Variants in DMD observed in about 807,000 individuals in gnomAD.
DMD encodes the protein dystrophin, also known as mutant dystrophin.
DMD carries 63 observed loss-of-function variants against 330.1 expected under a neutral mutation model. That is an observed-to-expected ratio of 0.19 (90% CI 0.16 to 0.24). DMD has a LOEUF of 0.24. DMD is among the 10% of genes least tolerant of loss of function. DMD has a pLI of 1.00. For synonymous variants in DMD, 1,223 were observed against 959.8 expected (o/e 1.27, Z -5.07); for missense variants, 3,344 against 2,684.1 (o/e 1.25, Z -5.43).
At chrX:32,968,983 G>A (rs12856895) in intron 2 of DMD, among the ~76,000 whole-genome samples, 5,907 of 85,697 alleles carry the variant, frequency 0.069, 291 homozygotes, top group East Asian at 0.23. Flanking sequence ...AGCCAAGATC[G>A]TGCCACTGCC....
intron 48 of DMD, among the ~76,000 whole-genome samples, chrX:31,850,766 TTA>T (rs2093510052): frequency 8.9e-6 from 1 of 112,701 alleles, no homozygotes; most frequent in Admixed American, 9.4e-5. Flanking sequence ...ATGTTTGTTG[TTA>T]TATGTCACTG....
At chrX:32,250,364 A>G (rs184986274) in intron 43 of DMD, among the ~76,000 whole-genome samples, 472 of 111,634 alleles carry the variant, frequency 4.2e-3, no homozygotes, top group Non-Finnish European at 6.9e-3. Context: ...GTAAATGTGG[A>G]TTTTCCTCAC....
chrX:32,531,932 C>A (rs2047519210), intron 17 of DMD, among the ~76,000 whole-genome samples: 2 of 111,060 alleles, frequency 1.8e-5, no homozygotes, highest in Non-Finnish European at 3.8e-5. Context: ...TAGTTGTATA[C>A]TTTGTACCCT....
chrX:32,373,224 T>G lies in DMD; in HGVS notation c.4845+7286A>C, dbSNP rs72626038. ...TTTAATTCTGAGCAGGAAGAAAACT[T>G]AGATGAATCATTCTATTTAGGAAAG... On this transcript the variant is annotated intron_variant, in intron 34 of 78. Transcript: ENST00000357033. 4.8e-3 allele frequency among the ~76,000 whole-genome samples: 525 copies of G among 109,927 alleles called. 31 individuals carry two copies. In the East Asian group the frequency reaches 0.14, roughly 29 times the overall value.
At chrX:32,323,509 T>C (rs562469884) in intron 41 of DMD, among the ~76,000 whole-genome samples, 80 of 107,546 alleles carry the variant, frequency 7.4e-4, no homozygotes, top group African/African-American at 2.6e-3. Context: ...AGCCAGGAAA[T>C]AAAATTATAA....
intron 51 of DMD, among the ~76,000 whole-genome samples, chrX:31,734,491 C>T (rs747002021): frequency 1.1e-4 from 12 of 111,258 alleles, no homozygotes; most frequent in African/African-American, 3.9e-4. Flanking sequence ...TTTTAGTTGT[C>T]GTATCTCCTT....
intron 2 of DMD, among the ~76,000 whole-genome samples, chrX:32,851,600 G>A (rs1006593934): frequency 8.9e-6 from 1 of 112,393 alleles, no homozygotes; most frequent in South Asian, 3.7e-4. Flanking sequence ...AAAATCAAGT[G>A]AGCAATCACA....
At chrX:31,394,485 T>C (rs754661952) in intron 60 of DMD, among the ~76,000 whole-genome samples, 23 of 112,612 alleles carry the variant, frequency 2.0e-4, no homozygotes, top group African/African-American at 7.4e-4. Context: ...CTAGTGCATT[T>C]TTCTCTTACA....
At chrX:31,245,020 T>C (rs1317253629) in intron 63 of DMD, among the ~76,000 whole-genome samples, 1 of 112,004 alleles carries the variant, frequency 8.9e-6, no homozygotes. Context: ...GCACATCAAA[T>C]TGTGTTCAGT....
intron 2 of DMD, among the ~76,000 whole-genome samples, chrX:32,928,883 G>A (rs768919418): frequency 1.8e-5 from 2 of 112,037 alleles, no homozygotes; most frequent in Non-Finnish European, 3.8e-5. Context: ...ATTTGTTTAT[G>A]CATGGCTTTA....
chrX:31,126,648 C>G lies in DMD; in HGVS notation c.11040G>C (p.Met3680Ile). 3 of 1,201,672 alleles carry G rather than the reference C, an allele frequency of 2.5e-6. No individual in the cohort carries two copies. Among genetic ancestry groups the G allele is most frequent in the Non-Finnish European group, 3.4e-6 (3 of 886,864 alleles). The change falls in exon 78 of 79, where the codon ATG (methionine) becomes ATC (isoleucine). Residue 3680 changes from methionine (M) to isoleucine (I), a missense_variant. Met to Ile is a conservative substitution (Grantham distance 10). Transcript: ENST00000357033. ...GAGCCTGAATCTCACTAACCTCTCTCATTGGCTTTCCAGGGGTATTTCTTC... is the reference window on the plus strand; with the variant it reads ...GAGCCTGAATCTCACTAACCTCTCTGATTGGCTTTCCAGGGGTATTTCTTC... ...SRGRNTPGKP[M>I]REDTM
At chrX:32,633,481 G>A (rs1044716923) in intron 11 of DMD, among the ~76,000 whole-genome samples, 2 of 111,669 alleles carry the variant, frequency 1.8e-5, no homozygotes, top group African/African-American at 6.5e-5. Context: ...TCCCTCATCT[G>A]TCTTCTTCTG....
intron 52 of DMD, among the ~76,000 whole-genome samples, chrX:31,714,770 A>C (rs1055156603): frequency 8.9e-6 from 1 of 112,201 alleles, no homozygotes; most frequent in Non-Finnish European, 1.9e-5. Flanking sequence ...TTAAATCAAA[A>C]TGTAAACAAA....
At chrX:32,210,761 TG>T (rs1478428272) in intron 44 of DMD, among the ~76,000 whole-genome samples, 2 of 111,783 alleles carry the variant, frequency 1.8e-5, no homozygotes, top group African/African-American at 6.5e-5. Flanking sequence ...TCATCATTTT[TG>T]TACAAGTCAA....
chrX:32,661,378 T>C (rs1224120769), intron 9 of DMD, among the ~76,000 whole-genome samples: 1 of 104,209 alleles, frequency 9.6e-6, no homozygotes, highest in African/African-American at 4.1e-5. Flanking sequence ...GATTATTGTC[T>C]ACATTTTACT....
At chrX:32,725,120 G>A (rs894778582) in intron 7 of DMD, among the ~76,000 whole-genome samples, 7 of 111,131 alleles carry the variant, frequency 6.3e-5, no homozygotes, top group Non-Finnish European at 1.1e-4. Flanking sequence ...TCTAGACATT[G>A]TTTTCTTAGC....
At chrX:32,230,596 T>A (rs2147976812) in intron 43 of DMD, among the ~76,000 whole-genome samples, 1 of 112,120 alleles carries the variant, frequency 8.9e-6, no homozygotes, top group African/African-American at 3.2e-5. Context: ...TATGAAGATT[T>A]TTTTTGAAAT....
intron 26 of DMD, among the ~76,000 whole-genome samples, chrX:32,453,766 C>T (rs1356181998): frequency 9.0e-6 from 1 of 110,635 alleles, no homozygotes; most frequent in Non-Finnish European, 1.9e-5. Flanking sequence ...GGCATGGGGC[C>T]GAACTAAGTT....
At chrX:32,250,607 C>T (rs1026942539) in intron 43 of DMD, among the ~76,000 whole-genome samples, 1 of 111,818 alleles carries the variant, frequency 8.9e-6, no homozygotes, top group Non-Finnish European at 1.9e-5. Flanking sequence ...CTGGACATGA[C>T]GGAAACAGTG....
Sources: gnomAD v4.1 joint callset for allele counts (sites outside exome capture counted in the v4.1 genomes callset) on GRCh38, gnomAD v4.1.1 for gene constraint, MANE v1.5 for transcripts, NCBI Gene and HGNC (gene_info 2026-07-23, HGNC 2026-07-21) for gene names.